PIEZO1: variants seen among roughly 807,000 people sequenced by gnomAD.
PIEZO1 encodes the protein piezo type mechanosensitive ion channel component 1 (Er blood group), also known as piezo-type mechanosensitive ion channel component 1.
PIEZO1 carries 296 observed loss-of-function variants against 297.2 expected under a neutral mutation model. The ratio of observed to expected loss-of-function variants is 1.00; its 90% CI spans 0.91 to 1.10. The LOEUF is 1.10. PIEZO1 is among the 50% of genes least tolerant of loss of function. The pLI is 0.00. For synonymous variants in PIEZO1, 2,427 were observed against 1,507.5 expected, an observed-to-expected ratio of 1.61 and a Z score of -14.13; for missense variants, 5,018 against 3,455.5, an observed-to-expected ratio of 1.45 and a Z score of -11.34.
At chr16:88,753,048 G>C (rs1307718382) in intron 1 of PIEZO1, among the ~76,000 whole-genome samples, 3 of 151,146 alleles carry the variant, frequency 2.0e-5, no homozygotes, top group Non-Finnish European at 4.4e-5. Context: ...AAGGCTCAGA[G>C]AGGAAGAGGG....
At chr16:88,774,582 G>A (rs546029953) in intron 1 of PIEZO1, among the ~76,000 whole-genome samples, 3 of 152,264 alleles carry the variant, frequency 2.0e-5, no homozygotes, top group African/African-American at 4.8e-5. Context: ...GGTGGGCATC[G>A]CTGGCCCAGC....
chr16:88,738,995 T>C (rs1207947181), intron 5 of PIEZO1: 5 of 556,472 alleles, frequency 9.0e-6, no homozygotes, highest in African/African-American at 5.7e-5. Context: ...ACCCAGGGTC[T>C]GTCCTGCCAA....
intron 2 of PIEZO1, chr16:88,743,616 G>T: frequency 2.2e-6 from 1 of 456,508 alleles, no homozygotes; most frequent in Middle Eastern, 3.2e-4. Context: ...ATGGTGTTAG[G>T]TGACAGACTC....
intron 2 of PIEZO1, chr16:88,745,607 G>C (rs934465175): frequency 2.6e-5 from 4 of 152,304 alleles, no homozygotes; most frequent in Admixed American, 6.5e-5. Flanking sequence ...GCCAGGCGTG[G>C]TGATGGGCAC....
intron 1 of PIEZO1, among the ~76,000 whole-genome samples, chr16:88,775,683 C>T (rs930940217): frequency 2.8e-5 from 4 of 141,744 alleles, no homozygotes. Context: ...GAGCCAAGAT[C>T]GTGCCACTCC....
Position 88,732,885 on chromosome 16 carries a change from AG to A in PIEZO1, c.2665-154del, listed in dbSNP as rs371642173. On this transcript the variant is annotated intron_variant, in intron 19 of 50. Coordinates refer to ENST00000301015, the MANE Select transcript of PIEZO1 (RefSeq NM_001142864.4). Reference sequence around the variant, plus strand: ...AGCCTTGGAGCCACCTTCACGGGGAAGGGGACCAGGTGTTTGAGAAACAGGG... The same window carrying A: ...AGCCTTGGAGCCACCTTCACGGGGAAGGGACCAGGTGTTTGAGAAACAGGG... 1,287 of 726,104 alleles carry A rather than the reference AG, an allele frequency of 1.8e-3. 18 individuals are homozygous for A. The African/African-American group carries it at 0.021, about 12-fold the overall frequency. The allele number at this position is 726,104 out of a possible 1,614,324, so 45.0% of individuals were successfully genotyped here. A position where few individuals can be genotyped will look rare whatever the true frequency, so the allele number is the denominator to read the frequency against.
Position 88,737,763 on chromosome 16 carries a change from G to A in PIEZO1, c.1072C>T (p.Leu358=), listed in dbSNP as rs145579632. Residue 358 remains leucine, a synonymous_variant, in exon 9 of 51, where the codon CTG becomes TTG. Coordinates refer to ENST00000301015, the MANE Select transcript of PIEZO1 (RefSeq NM_001142864.4). Reference sequence around the variant, plus strand: ...TCCCGTTCCTGGGGCCACTGGTCCAGCTCTGCTAGCTCCAGCTCCCGAGCC... The same window carrying A: ...TCCCGTTCCTGGGGCCACTGGTCCAACTCTGCTAGCTCCAGCTCCCGAGCC... ...YEARELELAE[L]DQWPQERESD... 1,106 of 1,535,762 alleles carry A rather than the reference G, an allele frequency of 7.2e-4. 7 individuals carry two copies. The African/African-American group carries it at 0.012, about 17-fold the overall frequency.
In PIEZO1 at chr16:88,732,506, T is replaced by C. The variant is rs1373627858; in HGVS notation, c.2820A>G (p.Val940=). ...QNHLQVLLLL[V]FEAIVYRRQE... The stretch of plus-strand genomic sequence containing the variant: ...GGCGCCGGTACACGATGGCCTCGAA[T>C]ACCAGCAGCAGCAGCACTTGCAGGT... The change falls in exon 21 of 51, where the codon GTA becomes GTG. Residue 940 remains valine, a synonymous_variant. Coordinates refer to ENST00000301015, the MANE Select transcript of PIEZO1 (RefSeq NM_001142864.4). 7.1e-6 allele frequency: 11 copies of C among 1,547,736 alleles called. No homozygotes were observed. In the East Asian group the frequency reaches 2.4e-4, roughly 34 times the overall value.
At chr16:88,737,515 C>T in intron 10 of PIEZO1, 44 bp downstream of exon 10, 3 of 1,360,038 alleles carry the variant, frequency 2.2e-6, no homozygotes, top group Non-Finnish European at 3.0e-6. Flanking sequence ...GGCCTCCGCC[C>T]CGCCCCCCGC....
chr16:88,738,927 C>T (rs984244755), intron 5 of PIEZO1, 191 bp from the exon 6 acceptor site: 3 of 599,122 alleles, frequency 5.0e-6, no homozygotes, highest in African/African-American at 1.9e-5. Flanking sequence ...CCTACTTCCT[C>T]ACTCAAGCTC....
chr16:88,739,937 G>A (rs550969150), intron 5 of PIEZO1: 1 of 152,584 alleles, frequency 6.6e-6, no homozygotes, highest in South Asian at 2.1e-4. Flanking sequence ...GGCAGCTGCT[G>A]TGAGAGAACA....
chr16:88,718,785 G>A (rs139717140), intron 44 of PIEZO1: 1 of 152,988 alleles, frequency 6.5e-6, no homozygotes, highest in Non-Finnish European at 1.5e-5. Flanking sequence ...CAGGCTTAAT[G>A]CAGCCCTGTA....
rs1285561272 is a variant in PIEZO1, at chr16:88,720,417, T to C, written c.5917A>G (p.Ile1973Val). 6 of 1,550,274 alleles carry C rather than the reference T, an allele frequency of 3.9e-6. No homozygotes were observed. The highest frequency in any genetic ancestry group is 5.2e-6 in the Non-Finnish European group (6 of 1,146,894). ...GCCCAGAAGCCAAAAATGATGATGA[T>C]GAAGTCGACAACATCAGCCAGGAAC... Reference protein sequence around the residue: ...LMFLADVVDFIIIIFGFWAFG... With the variant: ...LMFLADVVDFVIIIFGFWAFG... The change falls in exon 41 of 51, where the codon ATC becomes GTC. Residue 1973 changes from isoleucine (I) to valine (V), a missense_variant. Coordinates refer to ENST00000301015, the MANE Select transcript of PIEZO1 (RefSeq NM_001142864.4).
rs115486714 is a variant in PIEZO1 at position 88,738,327 on chromosome 16, C to T, written c.748G>A (p.Val250Ile). 1.6e-3 allele frequency: 2,467 copies of T among 1,535,860 alleles called. 34 individuals carry two copies. The African/African-American group carries it at 0.029, about 18-fold the overall frequency. The change falls in exon 7 of 51, where the codon GTC (valine) becomes ATC (isoleucine). Residue 250 changes from valine to isoleucine, a missense_variant. Transcript: ENST00000301015. ...ISTRGFSRLC[V>I]AVGCFGAGHL... ...CCGGCGCCGAAGCACCCCACCGCGA[C>T]GCAGAGTCTGCTGAAGCCCCGAGTG...
intron 1 of PIEZO1, among the ~76,000 whole-genome samples, chr16:88,777,264 C>A (rs1393853291): frequency 6.6e-6 from 1 of 152,236 alleles, no homozygotes; most frequent in East Asian, 1.9e-4. Flanking sequence ...AGCCACCATG[C>A]CCGGAGGACC....
At chr16:88,738,922 T>G in intron 5 of PIEZO1, 186 bp from the exon 6 acceptor site, 1 of 600,148 alleles carries the variant, frequency 1.7e-6, no homozygotes, top group Non-Finnish European at 3.0e-6. Flanking sequence ...ACCTTCCTAC[T>G]TCCTCACTCA....
chr16:88,722,080 C>G lies in PIEZO1; in HGVS notation c.4956-14G>C. On this transcript the variant is annotated splice_polypyrimidine_tract_variant and intron_variant, in intron 36 of 50. Transcript: ENST00000301015. ...ATGCGCAGGCGCCTACAGGGAGACC[C>G]GCGTGTTTGGGGGAGTCTGGGACTG... The G allele has an allele frequency of 6.5e-7, 1 of 1,540,814 alleles. No homozygotes were observed. The highest frequency in any genetic ancestry group is 2.5e-5 in the East Asian group (1 of 40,740).
intron 1 of PIEZO1, among the ~76,000 whole-genome samples, chr16:88,783,553 G>A (rs1199201394): frequency 6.6e-6 from 1 of 152,176 alleles, no homozygotes; most frequent in Non-Finnish European, 1.5e-5. Context: ...TCTAAGGCCT[G>A]TCAGCTCTAG....
rs148768393 is a variant in PIEZO1, at chr16:88,721,631, C to T, written c.5310G>A (p.Pro1770=). 1.4e-4 allele frequency: 218 copies of T among 1,550,218 alleles called. No individual in the cohort carries two copies. The African/African-American group carries it at 2.1e-3, about 15-fold the overall frequency. The change falls in exon 38 of 51, where the codon CCG becomes CCA. Residue 1770 remains proline (P), a synonymous_variant. Coordinates refer to ENST00000301015, the MANE Select transcript of PIEZO1 (RefSeq NM_001142864.4). The part of the protein sequence containing the change: ...LRRYENKPYF[P]PRILGLEKTD... ...TCTTCTCCAGGCCCAGGATGCGGGG[C>T]GGGAAGTAGGGCTTGTTCTCGTAGC...
Sources: gnomAD v4.1 joint callset for allele counts (sites outside exome capture counted in the v4.1 genomes callset) on GRCh38, gnomAD v4.1.1 for gene constraint, MANE v1.5 for transcripts, NCBI Gene and HGNC (gene_info 2026-07-23, HGNC 2026-07-21) for gene names.